Variants in BCR observed in about 807,000 individuals in gnomAD.
BCR encodes the protein BCR activator of RhoGEF and GTPase.
Under a neutral mutation model 138.6 loss-of-function variants are expected in BCR, and 58 were observed. That is an observed-to-expected ratio of 0.42 (90% CI 0.34 to 0.52). BCR has a LOEUF of 0.52. BCR is among the 20% of genes least tolerant of loss of function. The pLI is 0.06. For missense variants in BCR, 1,599 were observed against 1,727.2 expected (o/e 0.93, Z 1.32); for synonymous variants, 786 against 730.1 (o/e 1.08, Z -1.23).
intron 1 of BCR, among the ~76,000 whole-genome samples, chr22:23,218,266 A>G (rs1008783086): frequency 6.6e-6 from 1 of 152,212 alleles, no homozygotes; most frequent in Non-Finnish European, 1.5e-5. Context: ...CATCTGGGGC[A>G]TGTGAGGATT....
rs1601979383 is a variant in BCR, at chr22:23,180,851, GC to G, written c.-109del. The G allele has an allele frequency of 1.1e-3, 406 of 353,934 alleles. No individual in the cohort carries two copies. Among genetic ancestry groups the G allele is most frequent in the Admixed American group, 0.011 (5 of 466 alleles). 21.9% of individuals were successfully genotyped at this position (353,934 alleles called of 1,614,324 possible). A position where few individuals can be genotyped will look rare whatever the true frequency, so the allele number is the denominator to read the frequency against. ...CATTGTTCGCCGCCGCCGCCGCCGC[GC>G]GGGCCATGGGGGCCGCCCGGCGCCC... On this transcript the variant is annotated 5_prime_UTR_variant, in exon 1 of 23. Coordinates refer to ENST00000305877, the MANE Select transcript of BCR (RefSeq NM_004327.4).
At chr22:23,227,099 G>A (rs572590587) in intron 1 of BCR, among the ~76,000 whole-genome samples, 4 of 152,268 alleles carry the variant, frequency 2.6e-5, no homozygotes, top group African/African-American at 9.6e-5. Flanking sequence ...TGCAAATATG[G>A]AGCTGCCTGA....
At chr22:23,193,802 G>T (rs887273154) in intron 1 of BCR, among the ~76,000 whole-genome samples, 3 of 152,212 alleles carry the variant, frequency 2.0e-5, no homozygotes, top group Non-Finnish European at 4.4e-5. Context: ...GTGGAGGAGT[G>T]ACAGGAACCC....
rs78717117 is a variant in BCR at position 23,183,993 on chromosome 22, C to T, written c.1279+1754C>T. Among the ~76,000 whole-genome samples, 322 of 152,310 alleles carry T rather than the reference C, an allele frequency of 2.1e-3. 2 individuals carry two copies. Among genetic ancestry groups the T allele is most frequent in the African/African-American group, 7.3e-3 (305 of 41,572 alleles). On this transcript the variant is annotated intron_variant, in intron 1 of 22. Transcript: ENST00000305877. ...GAGGAGGTAATTTTACCACTTGGAC[C>T]CACTTTTAGGACTTGCTGGATTCTT...
Position 23,182,255 on chromosome 22 carries a change from C to A in BCR, c.1279+16C>A. 1.3e-6 allele frequency: 2 copies of A among 1,538,496 alleles called. No homozygotes were observed. The highest frequency in any genetic ancestry group is 8.7e-7 in the Non-Finnish European group (1 of 1,143,822). On this transcript the variant is annotated intron_variant, in intron 1 of 22. Transcript: ENST00000305877. ...GGAGACGCAGGTGAGTTCCTCACGC[C>A]ACGTGCGTGGGCACACCTGCACGGG...
At chr22:23,250,851 A>G (rs2073217298) in intron 1 of BCR, among the ~76,000 whole-genome samples, 1 of 152,198 alleles carries the variant, frequency 6.6e-6, no homozygotes, top group African/African-American at 2.4e-5. Flanking sequence ...AAGTCAAGAA[A>G]GGTGAGGCAT....
intron 1 of BCR, among the ~76,000 whole-genome samples, chr22:23,235,585 C>A (rs2073014052): frequency 9.4e-6 from 1 of 106,330 alleles, no homozygotes; most frequent in Non-Finnish European, 2.5e-5. Flanking sequence ...ATGTTTATGT[C>A]CCAGGTGAGT....
At chr22:23,306,824 T>G (rs2073957702) in intron 16 of BCR, 4 of 152,458 alleles carry the variant, frequency 2.6e-5, no homozygotes, top group Admixed American at 2.0e-4. Flanking sequence ...ATGCAGGGCC[T>G]CCTTTGGTAC....
chr22:23,310,939 C>T (rs1172770874), intron 18 of BCR, among the ~76,000 whole-genome samples: 1 of 151,060 alleles, frequency 6.6e-6, no homozygotes, highest in Non-Finnish European at 1.5e-5. Context: ...CACGCCCCAC[C>T]CCCAACTGCA....
intron 1 of BCR, among the ~76,000 whole-genome samples, chr22:23,188,579 C>T (rs1376455074): frequency 6.6e-6 from 1 of 152,074 alleles, no homozygotes; most frequent in Non-Finnish European, 1.5e-5. Context: ...TGAGAGGGTC[C>T]CCTGTTTAGA....
chr22:23,208,448 ACATTTAC>A (rs1359691403), intron 1 of BCR, among the ~76,000 whole-genome samples: 1 of 152,086 alleles, frequency 6.6e-6, no homozygotes, highest in Non-Finnish European at 1.5e-5. Flanking sequence ...AATACATGTA[ACATTTAC>A]CATCTTAACC....
At chr22:23,201,682 C>T (rs549417381) in intron 1 of BCR, among the ~76,000 whole-genome samples, 17 of 152,296 alleles carry the variant, frequency 1.1e-4, no homozygotes, top group African/African-American at 1.7e-4. Context: ...GTCTCGATCT[C>T]CTGACCTTGT....
intron 1 of BCR, among the ~76,000 whole-genome samples, chr22:23,233,262 C>T (rs1402701232): frequency 6.6e-6 from 1 of 152,224 alleles, no homozygotes; most frequent in East Asian, 1.9e-4. Flanking sequence ...CTGCAGGCTC[C>T]AGGCTCTGGC....
At chr22:23,311,985 CAA>C (rs756782004) in intron 19 of BCR, 149 bp downstream of exon 19, 63 of 1,403,078 alleles carry the variant, frequency 4.5e-5, no homozygotes, top group South Asian at 2.7e-4. Context: ...AAAGAGAAGA[CAA>C]GAGTTGTAGA....
At chr22:23,191,909 G>A (rs2072420023) in intron 1 of BCR, among the ~76,000 whole-genome samples, 1 of 152,192 alleles carries the variant, frequency 6.6e-6, no homozygotes, top group African/African-American at 2.4e-5. Context: ...TTCTTTGCTG[G>A]TGATTGGTAC....
At chr22:23,314,249 G>C (rs566360282) in intron 21 of BCR, among the ~76,000 whole-genome samples, 176 bp downstream of exon 21, 1 of 152,142 alleles carries the variant, frequency 6.6e-6, no homozygotes, top group South Asian at 2.1e-4. Context: ...TCTCTTCTTT[G>C]CCACCCTCCT....
At chr22:23,182,320 G>C in intron 1 of BCR, 81 bp downstream of exon 1, 1 of 1,411,540 alleles carries the variant, frequency 7.1e-7, no homozygotes, top group Non-Finnish European at 9.3e-7. Context: ...CAAAACAGAA[G>C]TTGGGAGGGA....
intron 1 of BCR, among the ~76,000 whole-genome samples, chr22:23,192,191 G>A (rs1163949347): frequency 6.6e-6 from 1 of 152,192 alleles, no homozygotes; most frequent in Non-Finnish European, 1.5e-5. Flanking sequence ...AGTGGCTGGA[G>A]CAGGATTATA....
rs1472709911 is a variant in BCR at position 23,314,659 on chromosome 22, A to G, written c.3671A>G (p.Asn1224Ser). ...PSEKESKLPA[N>S]PSQPITMTDS... Reference sequence around the variant, plus strand: ...GAGAAGGAGAGCAAGCTCCCTGCCAACCCCAGCCAGCCTATCACCATGACT... The same window carrying G: ...GAGAAGGAGAGCAAGCTCCCTGCCAGCCCCAGCCAGCCTATCACCATGACT... The change falls in exon 22 of 23, where the codon AAC becomes AGC. Residue 1224 changes from asparagine (N) to serine (S), a missense_variant. Asn to Ser is a conservative substitution (Grantham distance 46). This residue lies in a region of BCR where 177 missense variants were observed against 226.4 expected (regional missense o/e 0.78). Transcript: ENST00000305877. 1.9e-6 allele frequency: 3 copies of G among 1,610,662 alleles called. No homozygotes were observed. The highest frequency in any genetic ancestry group is 2.2e-5 in the South Asian group (2 of 90,890).
Sources: gnomAD v4.1 joint callset for allele counts (sites outside exome capture counted in the v4.1 genomes callset) on GRCh38, gnomAD v4.1.1 for gene constraint, gnomAD v4.1.1 regional missense constraint, MANE v1.5 for transcripts, NCBI Gene and HGNC (gene_info 2026-07-23, HGNC 2026-07-21) for gene names.